The following HPSE2 variants were observed in gnomAD, a reference collection of about 807,000 sequenced individuals.
HPSE2 encodes the protein inactive heparanase-2.
Under a neutral mutation model 60.5 loss-of-function variants are expected in HPSE2, and 38 were observed. The observed-to-expected ratio is 0.63, with a 90% confidence interval of 0.48 to 0.82. HPSE2 has a LOEUF of 0.82. Among genes scored for constraint, HPSE2 ranks in the 40% least tolerant of loss-of-function variants. The pLI, the probability that HPSE2 is intolerant of heterozygous loss-of-function variation, is 0.00. For missense variants in HPSE2, 713 were observed against 740.4 expected, an observed-to-expected ratio of 0.96 and a Z score of 0.43; for synonymous variants, 295 against 293.2, an observed-to-expected ratio of 1.01 and a Z score of -0.06.
At chr10:99,097,968 C>T (rs1168692122) in intron 3 of HPSE2, among the ~76,000 whole-genome samples, 1 of 152,200 alleles carries the variant, frequency 6.6e-6, no homozygotes, top group Non-Finnish European at 1.5e-5. Context: ...GCTTCTATGG[C>T]TATAACTTAT....
chr10:99,153,671 T>C (rs1374618892), intron 2 of HPSE2, among the ~76,000 whole-genome samples: 1 of 152,050 alleles, frequency 6.6e-6, no homozygotes, highest in African/African-American at 2.4e-5. Flanking sequence ...GCAGAAAAAC[T>C]GGAAATTCTA....
intron 4 of HPSE2, among the ~76,000 whole-genome samples, chr10:98,725,797 A>AAAAC (rs1388638717): frequency 6.6e-6 from 1 of 151,772 alleles, no homozygotes; most frequent in Admixed American, 6.6e-5. Flanking sequence ...TTGCAAGAAA[A>AAAAC]AAACAACCCC....
At chr10:99,104,487 T>G (rs772388264) in intron 3 of HPSE2, among the ~76,000 whole-genome samples, 18 of 152,150 alleles carry the variant, frequency 1.2e-4, no homozygotes, top group Non-Finnish European at 2.2e-4. Flanking sequence ...GTTCAACCAT[T>G]GTGGAAGACA....
At chr10:98,965,306 T>A (rs1293228105) in intron 3 of HPSE2, among the ~76,000 whole-genome samples, 2 of 152,162 alleles carry the variant, frequency 1.3e-5, no homozygotes, top group Non-Finnish European at 1.5e-5. Context: ...GATACTAGAC[T>A]CTGAGTAAGG....
intron 3 of HPSE2, among the ~76,000 whole-genome samples, chr10:99,036,913 A>G (rs1214893364): frequency 1.3e-5 from 2 of 152,148 alleles, no homozygotes; most frequent in Admixed American, 1.3e-4. Context: ...TGAATAGTCA[A>G]AGAAAGGGGA....
At chr10:99,274,531 C>G in the HPSE2 span, among the ~76,000 whole-genome samples, 2 of 151,984 alleles carry the variant, frequency 1.3e-5, no homozygotes, top group African/African-American at 4.8e-5. Context: ...TAAGGTTTTC[C>G]TTCAAATTAT....
chr10:99,027,090 A>G (rs1957393918), intron 3 of HPSE2, among the ~76,000 whole-genome samples: 1 of 152,044 alleles, frequency 6.6e-6, no homozygotes, highest in Admixed American at 6.5e-5. Flanking sequence ...CTAAACCCAA[A>G]AATAGTAGAA....
chr10:99,296,826 C>A, the HPSE2 span, among the ~76,000 whole-genome samples: 2 of 152,226 alleles, frequency 1.3e-5, no homozygotes, highest in Admixed American at 1.3e-4. Flanking sequence ...CAAGGACTGG[C>A]CAGGCGGCAG....
chr10:99,051,745 T>C (rs1221398258), intron 3 of HPSE2, among the ~76,000 whole-genome samples: 1 of 152,174 alleles, frequency 6.6e-6, no homozygotes, highest in African/African-American at 2.4e-5. Flanking sequence ...CCTGTCAAGT[T>C]AAAGAGTTTT....
rs537332262 is a variant in HPSE2 at position 98,472,308 on chromosome 10, T to C, written c.1613+10328A>G. On this transcript the variant is annotated intron_variant, in intron 11 of 11. Coordinates refer to ENST00000370552, the MANE Select transcript of HPSE2 (RefSeq NM_021828.5). ...CTAGTGTTTAGAGTAAGTACCACTT[T>C]CCTGTTAACTCACAGCCAGCTCGTA... Among the ~76,000 whole-genome samples the C allele has an allele frequency of 1.9e-4, 29 of 152,266 alleles. 1 individual carries two copies. In the East Asian group the frequency reaches 5.4e-3, roughly 28 times the overall value.
intron 3 of HPSE2, among the ~76,000 whole-genome samples, chr10:99,006,298 C>T (rs1332613580): frequency 6.6e-6 from 1 of 152,090 alleles, no homozygotes; most frequent in African/African-American, 2.4e-5. Flanking sequence ...GAACCAGAGT[C>T]TGTTGGAGCA....
At chr10:98,706,701 A>C (rs1948556635) in intron 5 of HPSE2, among the ~76,000 whole-genome samples, 1 of 152,204 alleles carries the variant, frequency 6.6e-6, no homozygotes, top group Non-Finnish European at 1.5e-5. Context: ...CAGCATGAGC[A>C]AAACAAGGAA....
chr10:98,528,171 C>T (rs1943027019), intron 9 of HPSE2, among the ~76,000 whole-genome samples: 1 of 152,084 alleles, frequency 6.6e-6, no homozygotes, highest in Non-Finnish European at 1.5e-5. Context: ...CATCTGTCTT[C>T]TAGATCCCGA....
chr10:99,214,279 T>C (rs1261973551), intron 2 of HPSE2, among the ~76,000 whole-genome samples: 2 of 152,198 alleles, frequency 1.3e-5, no homozygotes, highest in Non-Finnish European at 2.9e-5. Flanking sequence ...GGTATAGCCA[T>C]TGGGGAAAAC....
chr10:98,845,970 A>T (rs1321169710), intron 3 of HPSE2, among the ~76,000 whole-genome samples: 10 of 152,174 alleles, frequency 6.6e-5, no homozygotes, highest in Non-Finnish European at 1.3e-4. Context: ...TTCCCCTTGA[A>T]CAGATGCAGA....
intron 3 of HPSE2, among the ~76,000 whole-genome samples, chr10:98,967,266 C>A (rs1955837095): frequency 6.6e-6 from 1 of 152,178 alleles, no homozygotes; most frequent in African/African-American, 2.4e-5. Flanking sequence ...CAGCCACGCC[C>A]CAAATGTGGT....
intron 9 of HPSE2, among the ~76,000 whole-genome samples, chr10:98,506,165 G>A (rs1942192788): frequency 6.6e-6 from 1 of 152,036 alleles, no homozygotes; most frequent in South Asian, 2.1e-4. Context: ...TCCAAGTAGG[G>A]AATCTTTATT....
At chr10:98,954,782 C>A (rs1955460758) in intron 3 of HPSE2, among the ~76,000 whole-genome samples, 1 of 151,922 alleles carries the variant, frequency 6.6e-6, no homozygotes, top group Non-Finnish European at 1.5e-5. Flanking sequence ...ATAAACTCCG[C>A]ATTTTCCACC....
intron 3 of HPSE2, among the ~76,000 whole-genome samples, chr10:99,094,572 T>C (rs1391499850): frequency 1.1e-5 from 1 of 92,124 alleles, no homozygotes; most frequent in African/African-American, 3.6e-5. Flanking sequence ...TTTTTTTTTT[T>C]CTGAGACAGA....
Sources: allele counts gnomAD v4.1 joint callset (sites outside exome capture counted in the v4.1 genomes callset), GRCh38; gene constraint gnomAD v4.1.1; transcripts MANE v1.5; gene names NCBI Gene and HGNC (gene_info 2026-07-23, HGNC 2026-07-21).